Variants in TTLL1 observed in about 807,000 individuals in gnomAD.
TTLL1 encodes the protein TTL family tubulin polyglutamylase complex subunit L1.
In TTLL1, 33 loss-of-function variants were observed where a neutral mutation model predicts 47.8. The ratio of observed to expected loss-of-function variants is 0.69; its 90% CI spans 0.52 to 0.92. The LOEUF (loss-of-function observed/expected upper bound fraction) is 0.92. Ranked by LOEUF, TTLL1 falls within the 40% of genes least tolerant of loss-of-function variation. The pLI is 0.00. For synonymous variants in TTLL1, 225 were observed against 214.1 expected (o/e 1.05, Z -0.45); for missense variants, 488 against 547.5 (o/e 0.89, Z 1.08).
intron 3 of TTLL1, among the ~76,000 whole-genome samples, chr22:43,074,110 G>T (rs920319382): frequency 6.6e-6 from 1 of 151,858 alleles, no homozygotes; most frequent in Non-Finnish European, 1.5e-5. Context: ...GGGCATGACG[G>T]CCAGAACAAG....
At chr22:43,047,916 C>T (rs963842192) in intron 9 of TTLL1, among the ~76,000 whole-genome samples, 7 of 152,150 alleles carry the variant, frequency 4.6e-5, no homozygotes, top group East Asian at 1.9e-4. Flanking sequence ...AGCAGTGTAT[C>T]GAATATGTAC....
At chr22:43,050,572 G>C (rs986151431) in intron 9 of TTLL1, among the ~76,000 whole-genome samples, 4 of 151,050 alleles carry the variant, frequency 2.6e-5, no homozygotes, top group African/African-American at 9.8e-5. Flanking sequence ...CCCAAGGTTG[G>C]AGTGCAGTGG....
At chr22:43,064,356 G>A (rs1187643784) in intron 5 of TTLL1, 32 bp from the exon 6 acceptor site, 5 of 1,595,698 alleles carry the variant, frequency 3.1e-6, no homozygotes, top group Non-Finnish European at 4.3e-6. Flanking sequence ...AAAATTAGAT[G>A]GTAAAAGATG....
intron 10 of TTLL1, among the ~76,000 whole-genome samples, chr22:43,044,833 C>G (rs914253729): frequency 1.3e-5 from 2 of 151,994 alleles, no homozygotes; most frequent in Non-Finnish European, 2.9e-5. Context: ...CAGGCAACCT[C>G]CCAGGCCCCA....
At chr22:43,086,176 T>C (rs767254753) in intron 1 of TTLL1, among the ~76,000 whole-genome samples, 2 of 152,214 alleles carry the variant, frequency 1.3e-5, no homozygotes, top group Non-Finnish European at 2.9e-5. Context: ...TAACGTGTTA[T>C]TATCTCTCCT....
Position 43,069,732 on chromosome 22 carries a change from G to A in TTLL1, c.226C>T (p.Leu76=). The part of the protein sequence containing the change: ...PNHYELTRKD[L]MVKNIKRYRK... ...TATCTTTTGATGTTCTTCACCATCA[G>A]GTCCTTCCGGGTCAGTTCATAGTGG... is the stretch of plus-strand genomic sequence containing the variant. The change falls in exon 4 of 11, where the codon CTG becomes TTG. Residue 76 remains leucine (L), a synonymous_variant. Transcript: ENST00000266254. The A allele has an allele frequency of 6.2e-7, 1 of 1,614,158 alleles. No homozygotes were observed.
At chr22:43,074,597 T>C (rs911606004) in intron 3 of TTLL1, among the ~76,000 whole-genome samples, 3 of 152,120 alleles carry the variant, frequency 2.0e-5, no homozygotes, top group Non-Finnish European at 4.4e-5. Context: ...TCCCAACACT[T>C]TGGGAGGCTG....
chr22:43,044,732 G>A (rs961941854), intron 10 of TTLL1, among the ~76,000 whole-genome samples: 15 of 151,314 alleles, frequency 9.9e-5, no homozygotes, highest in East Asian at 5.8e-4. Context: ...GTAAGCCACC[G>A]CACATGTCAC....
chr22:43,073,280 C>T (rs1476322289), intron 3 of TTLL1, among the ~76,000 whole-genome samples: 11 of 152,060 alleles, frequency 7.2e-5, no homozygotes, highest in Non-Finnish European at 1.5e-4. Flanking sequence ...CCTGCCTGGG[C>T]ATCCCAAGGT....
intron 7 of TTLL1, among the ~76,000 whole-genome samples, chr22:43,062,149 A>G (rs975150737): frequency 6.6e-6 from 1 of 152,146 alleles, no homozygotes; most frequent in Non-Finnish European, 1.5e-5. Context: ...GGGGCCTCCG[A>G]TGGGGCTATG....
intron 8 of TTLL1, among the ~76,000 whole-genome samples, chr22:43,054,110 T>C (rs1926832478): frequency 6.6e-6 from 1 of 152,200 alleles, no homozygotes; most frequent in East Asian, 1.9e-4. Flanking sequence ...GAGTGGGCTC[T>C]TGAGCAAAGT....
chr22:43,057,955 T>A (rs866689298), intron 8 of TTLL1, among the ~76,000 whole-genome samples: 6,805 of 150,564 alleles, frequency 0.045, 394 homozygotes, highest in East Asian at 0.26. Flanking sequence ...TATATATATT[T>A]TTTTTTTTCT....
intron 8 of TTLL1, among the ~76,000 whole-genome samples, chr22:43,057,390 G>C (rs919059852): frequency 6.6e-6 from 1 of 151,950 alleles, no homozygotes; most frequent in Non-Finnish European, 1.5e-5. Flanking sequence ...GATTACAGGC[G>C]TGAGCCACTG....
chr22:43,048,807 G>C (rs1926362995), intron 9 of TTLL1, among the ~76,000 whole-genome samples: 1 of 151,598 alleles, frequency 6.6e-6, no homozygotes, highest in East Asian at 1.9e-4. Flanking sequence ...CGTGGTGGCA[G>C]TTACCTGTAA....
rs183712594 is a variant in TTLL1 at position 43,046,551 on chromosome 22, G to A, written c.1001C>T (p.Thr334Met). The change falls in exon 10 of 11, where the codon ACG becomes ATG. Residue 334 changes from threonine to methionine, a missense_variant. By Grantham distance (81) the Thr-to-Met change is moderately conservative. Coordinates refer to ENST00000266254, the MANE Select transcript of TTLL1 (RefSeq NM_012263.5). ...GATTCGGTCATTGGCAGTGCTGGACGTGAGAGACGGGGACGCATTCACCTG... is the reference window on the plus strand; with the variant it reads ...GATTCGGTCATTGGCAGTGCTGGACATGAGAGACGGGGACGCATTCACCTG... ...LIEVNASPSL[T>M]SSTANDRILK... is the part of the protein sequence containing the mutation. 51 of 1,614,100 alleles carry A rather than the reference G, an allele frequency of 3.2e-5. No individual in the cohort carries two copies. The highest frequency in any genetic ancestry group is 1.6e-4 in the Middle Eastern group (1 of 6,062).
chr22:43,059,796 C>T (rs1418141885), intron 7 of TTLL1, among the ~76,000 whole-genome samples: 1 of 152,024 alleles, frequency 6.6e-6, no homozygotes, highest in African/African-American at 2.4e-5. Context: ...CTCAAGCAAT[C>T]CTCCCACCTC....
At chr22:43,060,288 G>C (rs986431467) in intron 7 of TTLL1, among the ~76,000 whole-genome samples, 1 of 152,140 alleles carries the variant, frequency 6.6e-6, no homozygotes, top group African/African-American at 2.4e-5. Flanking sequence ...TGGCTTGAGG[G>C]AGCTGCCTAA....
intron 5 of TTLL1, among the ~76,000 whole-genome samples, chr22:43,066,808 G>A (rs1927767697): frequency 6.6e-6 from 1 of 151,670 alleles, no homozygotes; most frequent in Non-Finnish European, 1.5e-5. Flanking sequence ...TGGCCAACAT[G>A]GTAAAACCCC....
chr22:43,048,039 C>G (rs887080109), intron 9 of TTLL1, among the ~76,000 whole-genome samples: 1 of 151,930 alleles, frequency 6.6e-6, no homozygotes, highest in African/African-American at 2.4e-5. Context: ...TATTAGGGGC[C>G]GGGCGCGGTG....
Sources: allele counts gnomAD v4.1 joint callset (sites outside exome capture counted in the v4.1 genomes callset), GRCh38; gene constraint gnomAD v4.1.1; transcripts MANE v1.5; gene names NCBI Gene and HGNC (gene_info 2026-07-23, HGNC 2026-07-21).